Variants in DDX60 observed in about 807,000 individuals in gnomAD.
DDX60 encodes the protein probable ATP-dependent RNA helicase DDX60.
In DDX60, 165 loss-of-function variants were observed where a neutral mutation model predicts 212.8. The observed-to-expected ratio is 0.78, with a 90% confidence interval of 0.68 to 0.88. DDX60 has a LOEUF of 0.88. Ranked by LOEUF, DDX60 falls within the 40% of genes least tolerant of loss-of-function variation. The pLI is 0.00. For missense variants in DDX60, 1,905 were observed against 2,003.9 expected, an observed-to-expected ratio of 0.95 and a Z score of 0.94; for synonymous variants, 703 against 685.3, an observed-to-expected ratio of 1.03 and a Z score of -0.40.
chr4:168,293,844 G>C lies in DDX60; in HGVS notation c.825C>G (p.Tyr275Ter). The C allele has an allele frequency of 6.2e-7, 1 of 1,613,718 alleles. No individual in the cohort carries two copies. The highest frequency in any genetic ancestry group is 8.5e-7 in the Non-Finnish European group (1 of 1,179,818). ...VTSCSLSLRM[Y>*]HRFLGNREPS... ...GCTCTCTGTTTCCTAAAAAGCGATG[G>C]TACATTCTCAAAGATAATGAGCATG... is the stretch of plus-strand genomic sequence containing the variant. Residue 275 changes from tyrosine (Y) to a stop codon, truncating the protein, a stop_gained, in exon 7 of 38, where the codon TAC becomes TAG. Coordinates refer to ENST00000393743, the MANE Select transcript of DDX60 (RefSeq NM_017631.6). LOFTEE classifies it high-confidence loss of function.
In DDX60 at chr4:168,306,634, A is replaced by C. The variant is rs1579081180; in HGVS notation, c.351T>G (p.Ile117Met). The C allele has an allele frequency of 1.2e-6, 2 of 1,614,134 alleles. No individual in the cohort carries two copies. The highest frequency in any genetic ancestry group is 2.2e-5 in the East Asian group (1 of 44,866). Residue 117 changes from isoleucine (I) to methionine (M), a missense_variant, in exon 5 of 38, where the codon ATT (isoleucine) becomes ATG (methionine). Physicochemically the swap from Ile to Met is conservative, Grantham distance 10. Coordinates refer to ENST00000393743, the MANE Select transcript of DDX60 (RefSeq NM_017631.6). ...LILHLQKNTT[I>M]DVRTTFSRCL... ...ATCTCGAAAATGTTGTTCGAACATC[A>C]ATGGTGGTATTCTTCTGAAGATGAA...
At position 168,246,417 on chromosome 4, in the gene DDX60, C is replaced by T. The variant is rs1181096210; in HGVS notation, c.4164+1G>A. 1 of 1,613,686 alleles carries T rather than the reference C, an allele frequency of 6.2e-7. No individual in the cohort carries two copies. Among genetic ancestry groups the T allele is most frequent in the Non-Finnish European group, 8.5e-7 (1 of 1,179,918 alleles). On this transcript the variant is annotated splice_donor_variant, in intron 30 of 37. Coordinates refer to ENST00000393743, the MANE Select transcript of DDX60 (RefSeq NM_017631.6). LOFTEE classifies it high-confidence loss of function. ...ACCTCAGGCAGTGTCCAGCACGGTA[C>T]CTTTGCCTTGGCATCCTCTGGGTCA...
At chr4:168,285,896 A>G (rs965408086) in intron 10 of DDX60, among the ~76,000 whole-genome samples, 3 of 114,762 alleles carry the variant, frequency 2.6e-5, no homozygotes, top group African/African-American at 3.5e-5. Flanking sequence ...AGGAGGGAAG[A>G]AAGGAAGGAA....
chr4:168,224,117 T>C, intron 35 of DDX60, 126 bp downstream of exon 35: 2 of 993,530 alleles, frequency 2.0e-6, no homozygotes, highest in Non-Finnish European at 3.0e-6. Flanking sequence ...ATATATCTGT[T>C]GATACACCCA....
intron 6 of DDX60, 112 bp from the exon 7 acceptor site, chr4:168,294,057 C>A (rs749339156): frequency 1.2e-5 from 11 of 944,734 alleles, no homozygotes; most frequent in African/African-American, 1.7e-5. Context: ...ACAAAATAAT[C>A]TGTACAACAA....
chr4:168,270,875 C>CTTTTTTTT (rs759054592), intron 19 of DDX60, among the ~76,000 whole-genome samples: 104 of 110,828 alleles, frequency 9.4e-4, no homozygotes, highest in East Asian at 1.4e-3. Context: ...TTCTTTCTTT[C>CTTTTTTTT]TTTTTTTTTT....
chr4:168,219,765 G>A (rs1408867520), intron 37 of DDX60, among the ~76,000 whole-genome samples: 3 of 152,020 alleles, frequency 2.0e-5, no homozygotes, highest in South Asian at 2.1e-4. Context: ...GGCCAGGAGC[G>A]GCAGCTAATG....
intron 9 of DDX60, 140 bp from the exon 10 acceptor site, chr4:168,287,343 A>G: frequency 1.4e-6 from 1 of 702,772 alleles, no homozygotes; most frequent in Non-Finnish European, 2.4e-6. Flanking sequence ...CACACTGGAC[A>G]TAAATGAAAA....
At chr4:168,322,293 T>A (rs1443839700), upstream of DDX60, among the ~76,000 whole-genome samples, 1 of 152,194 alleles carries the variant, frequency 6.6e-6, no homozygotes, top group Non-Finnish European at 1.5e-5. Flanking sequence ...AGCAGAATCA[T>A]CACATAACTA....
At chr4:168,276,218 C>A in intron 14 of DDX60, 37 bp from the exon 15 acceptor site, 1 of 1,503,870 alleles carries the variant, frequency 6.6e-7, no homozygotes. Context: ...GTTATAAAGA[C>A]CATCAAAAAT....
intron 25 of DDX60, 107 bp downstream of exon 25, chr4:168,260,758 T>C (rs1453079020): frequency 5.0e-6 from 5 of 1,002,204 alleles, no homozygotes; most frequent in Non-Finnish European, 7.5e-6. Context: ...TAACAGACCA[T>C]GGGCTGGGCC....
At chr4:168,297,209 A>C (rs1409767710) in intron 6 of DDX60, among the ~76,000 whole-genome samples, 1 of 151,502 alleles carries the variant, frequency 6.6e-6, no homozygotes, top group African/African-American at 2.4e-5. Flanking sequence ...ACGCCCAGCC[A>C]AAAAATGATC....
intron 10 of DDX60, 86 bp from the exon 11 acceptor site, chr4:168,285,584 T>A (rs1560858386): frequency 2.6e-6 from 2 of 772,502 alleles, no homozygotes; most frequent in African/African-American, 3.5e-5. Context: ...TAAAACTTCA[T>A]ATTAAAAACA....
intron 26 of DDX60, among the ~76,000 whole-genome samples, chr4:168,255,214 G>A (rs1026485849): frequency 6.6e-6 from 1 of 152,156 alleles, no homozygotes; most frequent in African/African-American, 2.4e-5. Flanking sequence ...TTGAGAGCAA[G>A]GAAGAGATGT....
chr4:168,234,797 A>G (rs7691168), intron 33 of DDX60, among the ~76,000 whole-genome samples: 18,293 of 152,026 alleles, frequency 0.12, 1,547 homozygotes, highest in African/African-American at 0.22. Context: ...TATCTTTCAC[A>G]AGAGCGAATG....
upstream of DDX60, among the ~76,000 whole-genome samples, chr4:168,319,898 G>T (rs920882819): frequency 6.6e-6 from 1 of 152,146 alleles, no homozygotes; most frequent in Non-Finnish European, 1.5e-5. Context: ...TGAAAAATTA[G>T]AGAGTCAAGT....
chr4:168,315,031 C>T (rs1269574944), intron 1 of DDX60, among the ~76,000 whole-genome samples: 1 of 152,152 alleles, frequency 6.6e-6, no homozygotes, highest in African/African-American at 2.4e-5. Flanking sequence ...GAAATGAACA[C>T]TGTTGGCCGA....
intron 6 of DDX60, among the ~76,000 whole-genome samples, chr4:168,298,180 C>T (rs1287877436): frequency 6.6e-6 from 1 of 151,746 alleles, no homozygotes; most frequent in Non-Finnish European, 1.5e-5. Flanking sequence ...AATAAAATAA[C>T]AAAGAATACA....
In DDX60 at chr4:168,272,116, C is replaced by T; in HGVS notation, c.2597G>A (p.Cys866Tyr). Residue 866 changes from cysteine to tyrosine, a missense_variant, in exon 19 of 38, where the codon TGC (cysteine) becomes TAC (tyrosine). Transcript: ENST00000393743. ...AGGAGCAAGCAGCAGAATTTCAAAG[C>T]AGGCAGGCACTGTAATAAGTACCTA... is the stretch of plus-strand genomic sequence containing the variant. ...NCQVLITVPA[C>Y]FEILLLAPHR... 6.3e-7 allele frequency: 1 copy of T among 1,581,804 alleles called. No individual in the cohort carries two copies.
Sources: allele counts gnomAD v4.1 joint callset (sites outside exome capture counted in the v4.1 genomes callset), GRCh38; gene constraint gnomAD v4.1.1; transcripts MANE v1.5; gene names NCBI Gene and HGNC (gene_info 2026-07-23, HGNC 2026-07-21).